NAPRT: variants seen among roughly 807,000 people sequenced by gnomAD.
NAPRT encodes the protein FHA-HIT-interacting protein.
Under a neutral mutation model 60.7 loss-of-function variants are expected in NAPRT, and 66 were observed. The ratio of observed to expected loss-of-function variants is 1.09; its 90% confidence interval spans 0.89 to 1.33. NAPRT has a LOEUF of 1.33. Ranked by LOEUF, NAPRT falls within the 40% of genes most tolerant of loss-of-function variation. The pLI, the probability that NAPRT is intolerant of heterozygous loss-of-function variation, is 0.00. For synonymous variants in NAPRT, 405 were observed against 335.7 expected (o/e 1.21, Z -2.26); for missense variants, 818 against 731.5 (o/e 1.12, Z -1.36).
chr8:143,575,377 C>A, intron 10 of NAPRT, 32 bp from the exon 11 acceptor site: 2 of 1,598,738 alleles, frequency 1.3e-6, no homozygotes, highest in Non-Finnish European at 1.7e-6. Context: ...AAGCGGGGGC[C>A]CTGGTGCTTT....
chr8:143,578,209 TCCCGCGCCCGG>T lies in NAPRT; in HGVS notation c.99_109del (p.Ala35ArgfsTer189). 2.7e-6 allele frequency: 4 copies of T among 1,503,600 alleles called. No homozygotes were observed. The South Asian group carries it at 5.0e-5, about 19-fold the overall frequency. 93.1% of individuals were successfully genotyped at this position (1,503,600 alleles called of 1,614,324 possible). A position where few individuals can be genotyped will look rare whatever the true frequency, so the allele number is the denominator to read the frequency against. Reference sequence around the variant, plus strand: ...GAAGAAGAGCTCGAACTCGGCGGCGTCCCGCGCCCGGCCCGCGCGCCAATAGCCCAACGCCA... The same window carrying T: ...GAAGAAGAGCTCGAACTCGGCGGCGTCCCGCGCGCCAATAGCCCAACGCCA... On this transcript the variant is annotated frameshift_variant, in exon 1 of 13. Coordinates refer to ENST00000449291, the MANE Select transcript of NAPRT (RefSeq NM_145201.6). LOFTEE classifies it high-confidence loss of function.
rs763472448 is a variant in NAPRT, at chr8:143,575,653, G to C, written c.1157C>G (p.Pro386Arg). 3.1e-6 allele frequency: 5 copies of C among 1,596,148 alleles called. No individual in the cohort carries two copies. In the South Asian group the frequency reaches 5.6e-5, roughly 18 times the overall value. The change falls in exon 9 of 13, where the codon CCC becomes CGC. Residue 386 changes from proline to arginine, a missense_variant. By Grantham distance (103) the Pro-to-Arg change is moderately radical. Coordinates refer to ENST00000449291, the MANE Select transcript of NAPRT (RefSeq NM_145201.6). ...GACGCCACCCAGGGAAGGCTGTTGG[G>C]GGCAGGTGACCACACTGGTGCCAAT... ...IGIGTSVVTC[P>R]QQPSLGGVYK...
rs1454087729 is a variant in NAPRT, at chr8:143,575,359, G to A, written c.1292-14C>T. On this transcript the variant is annotated splice_polypyrimidine_tract_variant and intron_variant, in intron 10 of 12. Transcript: ENST00000449291. Reference sequence around the variant, plus strand: ...TGAGTGGAGACCCTGTGTGGACGGGGCAAGAATAAGCGGGGGCCCTGGTGC... The same window carrying A: ...TGAGTGGAGACCCTGTGTGGACGGGACAAGAATAAGCGGGGGCCCTGGTGC... 1 of 1,604,858 alleles carries A rather than the reference G, an allele frequency of 6.2e-7. No homozygotes were observed. Among genetic ancestry groups the A allele is most frequent in the Non-Finnish European group, 8.5e-7 (1 of 1,173,370 alleles).
intron 8 of NAPRT, among the ~76,000 whole-genome samples, 160 bp downstream of exon 8, chr8:143,575,918 G>A (rs1274485231): frequency 1.4e-5 from 2 of 139,452 alleles, no homozygotes; most frequent in East Asian, 2.2e-4. Context: ...GAAGGGGGTG[G>A]CAGTGCCCTG....
At chr8:143,577,227 C>T in intron 4 of NAPRT, 42 bp downstream of exon 4, 4 of 1,604,716 alleles carry the variant, frequency 2.5e-6, no homozygotes, top group Non-Finnish European at 3.4e-6. Flanking sequence ...AGATGGGGCT[C>T]CTCCTTCCCG....
At chr8:143,573,013 A>G, downstream of NAPRT, 1 of 428,930 alleles carries the variant, frequency 2.3e-6, no homozygotes, top group Non-Finnish European at 4.1e-6. Context: ...AAAGGGGGAG[A>G]AGGGCCCCCA....
chr8:143,575,839 G>T (rs1824413677), intron 8 of NAPRT, 137 bp from the exon 9 acceptor site: 7 of 447,116 alleles, frequency 1.6e-5, no homozygotes, highest in Non-Finnish European at 2.4e-5. Flanking sequence ...GGAAGGAGGT[G>T]CCAGTGCCCT....
downstream of NAPRT, chr8:143,573,102 G>A (rs1046516020): frequency 4.6e-6 from 1 of 216,760 alleles, no homozygotes; most frequent in Non-Finnish European, 9.1e-6. Context: ...CAGGGTCCAG[G>A]AGTCTGGGCC....
chr8:143,576,512 TGCCCGGTAGCCCA>T lies in NAPRT; in HGVS notation c.929_941del (p.Leu310GlnfsTer4), dbSNP rs1563932036. 1 of 1,612,512 alleles carries T rather than the reference TGCCCGGTAGCCCA, an allele frequency of 6.2e-7. No individual in the cohort carries two copies. Among genetic ancestry groups the T allele is most frequent in the Admixed American group, 1.7e-5 (1 of 59,940 alleles). The stretch of plus-strand genomic sequence containing the variant: ...CACCACTGTCCAGCCTCACGCCCAC[TGCCCGGTAGCCCA>T]GCTCTCCCAGGGCCAGGGCGACTGC... On this transcript the variant is annotated frameshift_variant, in exon 7 of 13. Coordinates refer to ENST00000449291, the MANE Select transcript of NAPRT (RefSeq NM_145201.6). LOFTEE classifies it high-confidence loss of function.
Position 143,577,670 on chromosome 8 carries a change from C to CGTAGA in NAPRT, c.423_424insTCTAC (p.Val142SerfsTer18). On this transcript the variant is annotated frameshift_variant, in exon 3 of 13. Coordinates refer to ENST00000449291, the MANE Select transcript of NAPRT (RefSeq NM_145201.6). LOFTEE classifies it high-confidence loss of function. The stretch of plus-strand genomic sequence containing the variant: ...CCCGCAGCCCACCTGGCGTAGCTGA[C>CGTAGA]CAGGCAGAGCAGCGGTGTCTCCAGC... 1 of 1,539,492 alleles carries CGTAGA rather than the reference C, an allele frequency of 6.5e-7. No homozygotes were observed. The highest frequency in any genetic ancestry group is 8.7e-7 in the Non-Finnish European group (1 of 1,146,890).
In NAPRT at chr8:143,575,363, G is replaced by A. The variant is rs1288082261; in HGVS notation, c.1292-18C>T. ...TGGAGACCCTGTGTGGACGGGGCAA[G>A]AATAAGCGGGGGCCCTGGTGCTTTG... On this transcript the variant is annotated intron_variant, in intron 10 of 12. Coordinates refer to ENST00000449291, the MANE Select transcript of NAPRT (RefSeq NM_145201.6). The A allele has an allele frequency of 1.2e-6, 2 of 1,603,950 alleles. No individual in the cohort carries two copies. Among genetic ancestry groups the A allele is most frequent in the Admixed American group, 1.7e-5 (1 of 59,856 alleles).
rs1357932192 is a variant in NAPRT, at chr8:143,578,297, C to CG, written c.21dup (p.Glu8ArgfsTer12). On this transcript the variant is annotated frameshift_variant, in exon 1 of 13. Transcript: ENST00000449291. LOFTEE classifies it high-confidence loss of function. ...AGCGGCCGCGCCGCCGCGCGCGCCT[C>CG]GGGGTCCTGCTCCGCCGCCATCCTG... 9 of 1,397,850 alleles carry CG rather than the reference C, an allele frequency of 6.4e-6. No homozygotes were observed. The highest frequency in any genetic ancestry group is 7.4e-6 in the Non-Finnish European group (8 of 1,084,392). The allele number at this position is 1,397,850 out of a possible 1,614,324, so 86.6% of individuals were successfully genotyped here.
rs200997239 is a variant in NAPRT, at chr8:143,577,936, C to G, written c.234G>C (p.Gln78His). The change falls in exon 2 of 13, where the codon CAG (glutamine) becomes CAC (histidine). Residue 78 changes from glutamine to histidine, a missense_variant. By Grantham distance (24) the Gln-to-His change is conservative. Coordinates refer to ENST00000449291, the MANE Select transcript of NAPRT (RefSeq NM_145201.6). Reference sequence around the variant, plus strand: ...CTGGGGGCAGCACCGAGGCCAGGAACTGCACGTCTGGAAACGAGGTAACTG... The same window carrying G: ...CTGGGGGCAGCACCGAGGCCAGGAAGTGCACGTCTGGAAACGAGGTAACTG... ...RAFRLRDADV[Q>H]FLASVLPPDT... is the part of the protein sequence containing the mutation. 142 of 1,609,312 alleles carry G rather than the reference C, an allele frequency of 8.8e-5. 1 individual carries two copies. In the African/African-American group the frequency reaches 1.7e-3, roughly 20 times the overall value.
chr8:143,575,552 T>A lies in NAPRT; in HGVS notation c.1189-27A>T. 2.5e-6 allele frequency: 4 copies of A among 1,594,964 alleles called. No individual in the cohort carries two copies. The South Asian group carries it at 4.4e-5, about 18-fold the overall frequency. ...TGCAGGAAGAGGGCGTTGAGCTGGCTGGTCCTTATCCCCCACCCAGCACCA... is the reference window on the plus strand; with the variant it reads ...TGCAGGAAGAGGGCGTTGAGCTGGCAGGTCCTTATCCCCCACCCAGCACCA... On this transcript the variant is annotated intron_variant, in intron 9 of 12. Coordinates refer to ENST00000449291, the MANE Select transcript of NAPRT (RefSeq NM_145201.6).
chr8:143,578,012 C>T, intron 1 of NAPRT, 69 bp from the exon 2 acceptor site: 4 of 1,517,334 alleles, frequency 2.6e-6, no homozygotes, highest in Non-Finnish European at 2.7e-6. Flanking sequence ...GGGGGTTCCA[C>T]GGGGGGACAA....
Position 143,578,302 on chromosome 8 carries a change from TC to T in NAPRT, c.16del (p.Asp6ThrfsTer99). The T allele has an allele frequency of 7.2e-7, 1 of 1,383,664 alleles. No individual in the cohort carries two copies. The highest frequency in any genetic ancestry group is 9.3e-7 in the Non-Finnish European group (1 of 1,077,550). 85.7% of individuals were successfully genotyped at this position (1,383,664 alleles called of 1,614,324 possible). A position where few individuals can be genotyped will look rare whatever the true frequency, so the allele number is the denominator to read the frequency against. On this transcript the variant is annotated frameshift_variant, in exon 1 of 13. Transcript: ENST00000449291. LOFTEE classifies it high-confidence loss of function. Reference sequence around the variant, plus strand: ...CCGCGCCGCCGCGCGCGCCTCGGGGTCCTGCTCCGCCGCCATCCTGCTCCCG... The same window carrying T: ...CCGCGCCGCCGCGCGCGCCTCGGGGTCTGCTCCGCCGCCATCCTGCTCCCG... MAAEQ[D>X]PEARAAARPL...
At position 143,577,362 on chromosome 8, in the gene NAPRT, C is replaced by T. The variant is rs772329646; in HGVS notation, c.475G>A (p.Ala159Thr). 1.2e-5 allele frequency: 20 copies of T among 1,607,940 alleles called. No homozygotes were observed. The highest frequency in any genetic ancestry group is 3.3e-4 in the Middle Eastern group (2 of 6,000). Residue 159 changes from alanine to threonine, a missense_variant, in exon 4 of 13, where the codon GCA (alanine) becomes ACA (threonine). Physicochemically the swap from Ala to Thr is moderately conservative, Grantham distance 58 (BLOSUM62 0). Coordinates refer to ENST00000449291, the MANE Select transcript of NAPRT (RefSeq NM_145201.6). ...TCTAGCAGCCGCTTCTCTGGCCCTG[C>T]GATCAAGCGAAGCCGCGCTGCGTTG... is the stretch of plus-strand genomic sequence containing the variant. Reference protein sequence around the residue: ...ATNAARLRLIAGPEKRLLEMG... With the variant: ...ATNAARLRLITGPEKRLLEMG...
rs1239447853 is a variant in NAPRT, at chr8:143,575,959, T to C, written c.1107+119A>G. On this transcript the variant is annotated intron_variant, in intron 8 of 12. Transcript: ENST00000449291. ...GGGAAGGAGGTGGCAGTGCCCTGGGTGGGGAAGGGGGTGGCAGTGCCCTGG... is the reference window on the plus strand; with the variant it reads ...GGGAAGGAGGTGGCAGTGCCCTGGGCGGGGAAGGGGGTGGCAGTGCCCTGG... 66 of 508,868 alleles carry C rather than the reference T, an allele frequency of 1.3e-4. No homozygotes were observed. In the African/African-American group the frequency reaches 2.2e-3, roughly 17 times the overall value. The allele number at this position is 508,868 out of a possible 1,614,324, so 31.5% of individuals were successfully genotyped here.
chr8:143,577,486 A>G, intron 3 of NAPRT, 87 bp from the exon 4 acceptor site: 4 of 1,486,512 alleles, frequency 2.7e-6, no homozygotes, highest in South Asian at 2.5e-5. Flanking sequence ...GGAACTTCCA[A>G]CCTGGGAGCT....
Sources: allele counts gnomAD v4.1 joint callset (sites outside exome capture counted in the v4.1 genomes callset), GRCh38; gene constraint gnomAD v4.1.1; transcripts MANE v1.5; gene names NCBI Gene and HGNC (gene_info 2026-07-23, HGNC 2026-07-21).